Variants in PNLIPRP3 observed in about 807,000 individuals in gnomAD.
PNLIPRP3 encodes the protein pancreatic lipase related protein 3.
A neutral mutation model predicts 52.8 loss-of-function variants in PNLIPRP3; 58 were observed. The observed-to-expected ratio is 1.10, with a 90% CI of 0.89 to 1.37. The LOEUF is 1.37. PNLIPRP3 is among the 40% of genes most tolerant of loss of function. PNLIPRP3 has a pLI of 0.00. For synonymous variants in PNLIPRP3, 192 were observed against 185.0 expected, an observed-to-expected ratio of 1.04 and a Z score of -0.31; for missense variants, 593 against 561.6, an observed-to-expected ratio of 1.06 and a Z score of -0.57.
intron 2 of PNLIPRP3, among the ~76,000 whole-genome samples, chr10:116,438,871 T>G (rs1045925961): frequency 5.3e-5 from 8 of 152,146 alleles, no homozygotes; most frequent in Admixed American, 1.3e-4. Flanking sequence ...AGTTTTATAA[T>G]TATCAAGAAG....
At chr10:116,458,409 A>G (rs1177571297) in intron 5 of PNLIPRP3, among the ~76,000 whole-genome samples, 1 of 151,486 alleles carries the variant, frequency 6.6e-6, no homozygotes, top group Non-Finnish European at 1.5e-5. Flanking sequence ...CTAGAACAAC[A>G]AATTCAATGT....
chr10:116,429,121 T>A (rs1845675095), intron 1 of PNLIPRP3, among the ~76,000 whole-genome samples: 2 of 152,150 alleles, frequency 1.3e-5, no homozygotes, highest in Admixed American at 1.3e-4. Context: ...TGAAACATTT[T>A]AAGCACTAAC....
At chr10:116,440,623 T>C (rs541054227) in intron 2 of PNLIPRP3, among the ~76,000 whole-genome samples, 1 of 152,336 alleles carries the variant, frequency 6.6e-6, no homozygotes, top group African/African-American at 2.4e-5. Context: ...TAACATACTC[T>C]CTTCTCCAAG....
At position 116,461,192 on chromosome 10, in the gene PNLIPRP3, G is replaced by C. The variant is rs1846186984; in HGVS notation, c.710G>C (p.Gly237Ala). 1 of 1,614,120 alleles carries C rather than the reference G, an allele frequency of 6.2e-7. No individual in the cohort carries two copies. Among genetic ancestry groups the C allele is most frequent in the Non-Finnish European group, 8.5e-7 (1 of 1,180,004 alleles). ...ELGVGTIDAC[G>A]HLDFYPNGGK... Reference sequence around the variant, plus strand: ...GGTGTTGGAACCATTGATGCTTGTGGTCATCTTGACTTTTACCCAAATGGA... The same window carrying C: ...GGTGTTGGAACCATTGATGCTTGTGCTCATCTTGACTTTTACCCAAATGGA... Residue 237 changes from glycine to alanine, a missense_variant, in exon 7 of 12, where the codon GGT (glycine) becomes GCT (alanine). Gly to Ala is a moderately conservative substitution (Grantham distance 60). Coordinates refer to ENST00000369230, the MANE Select transcript of PNLIPRP3 (RefSeq NM_001011709.3).
intron 1 of PNLIPRP3, among the ~76,000 whole-genome samples, chr10:116,436,403 A>G (rs916491790): frequency 1.3e-5 from 2 of 152,236 alleles, no homozygotes; most frequent in African/African-American, 4.8e-5. Context: ...ATGAGAAAAC[A>G]TACGAAAAAT....
intron 8 of PNLIPRP3, among the ~76,000 whole-genome samples, chr10:116,468,874 T>C (rs1279238177): frequency 6.6e-6 from 1 of 152,248 alleles, no homozygotes; most frequent in African/African-American, 2.4e-5. Flanking sequence ...TTACCTTGTT[T>C]TAATTAACAT....
At chr10:116,438,073 C>T (rs1845803090) in intron 2 of PNLIPRP3, among the ~76,000 whole-genome samples, 1 of 152,028 alleles carries the variant, frequency 6.6e-6, no homozygotes, top group South Asian at 2.1e-4. Context: ...AAATGATAAC[C>T]CTCTTATCAG....
At chr10:116,435,166 CATTG>C (rs1041468113) in intron 1 of PNLIPRP3, among the ~76,000 whole-genome samples, 26 of 152,178 alleles carry the variant, frequency 1.7e-4, no homozygotes, top group African/African-American at 6.3e-4. Flanking sequence ...AAATTCTGTT[CATTG>C]ATTTTCAACT....
chr10:116,474,864 TC>T (rs1219687404), intron 10 of PNLIPRP3, among the ~76,000 whole-genome samples: 1 of 152,160 alleles, frequency 6.6e-6, no homozygotes, highest in Non-Finnish European at 1.5e-5. Context: ...GTAAATTTGT[TC>T]AACCATTGTG....
chr10:116,436,830 C>G lies in PNLIPRP3; in HGVS notation c.169C>G (p.Leu57Val). Reference protein sequence around the residue: ...WSPEKINTRFLLYTIHNPNAY... With the variant: ...WSPEKINTRFVLYTIHNPNAY... Reference sequence around the variant, plus strand: ...TCCAGAGAAGATAAACACTCGTTTCCTGCTCTACACTATACACAATCCCAA... The same window carrying G: ...TCCAGAGAAGATAAACACTCGTTTCGTGCTCTACACTATACACAATCCCAA... The change falls in exon 2 of 12, where the codon CTG becomes GTG. Residue 57 changes from leucine (L) to valine (V), a missense_variant. Coordinates refer to ENST00000369230, the MANE Select transcript of PNLIPRP3 (RefSeq NM_001011709.3). 6.2e-7 allele frequency: 1 copy of G among 1,612,552 alleles called. No individual in the cohort carries two copies. Among genetic ancestry groups the G allele is most frequent in the Non-Finnish European group, 8.5e-7 (1 of 1,179,152 alleles).
At chr10:116,439,918 T>C (rs1845832498) in intron 2 of PNLIPRP3, 1 of 863,630 alleles carries the variant, frequency 1.2e-6, no homozygotes, top group Non-Finnish European at 2.0e-6. Flanking sequence ...AGAGCGCTTC[T>C]TGGAAAATTC....
intron 4 of PNLIPRP3, among the ~76,000 whole-genome samples, chr10:116,449,968 T>G (rs1477294131): frequency 2.6e-5 from 4 of 152,082 alleles, no homozygotes; most frequent in Non-Finnish European, 5.9e-5. Context: ...CACAAATATG[T>G]GCAAATTAAA....
chr10:116,446,345 CAAAAAAAAAAAA>C (rs35901373), intron 4 of PNLIPRP3, among the ~76,000 whole-genome samples: 3 of 65,882 alleles, frequency 4.6e-5, no homozygotes, highest in African/African-American at 1.9e-4. Context: ...CGCTGCGTCT[CAAAAAAAAAAAA>C]AAAAAAAAAA....
intron 3 of PNLIPRP3, among the ~76,000 whole-genome samples, chr10:116,443,801 GCATATATATATATATATATATATATA>G (rs1435282725): frequency 4.5e-4 from 5 of 11,158 alleles, no homozygotes; most frequent in African/African-American, 9.7e-4. Flanking sequence ...ATGTGTGTGT[GCATATATATATATATATATATATATA>G]TATATATATA....
At chr10:116,451,435 G>T (rs1052878471) in intron 4 of PNLIPRP3, among the ~76,000 whole-genome samples, 9 of 152,126 alleles carry the variant, frequency 5.9e-5, no homozygotes, top group Admixed American at 1.3e-4. Flanking sequence ...CAAAGAGGAG[G>T]ATGTGCTTTG....
At chr10:116,466,198 T>G in intron 8 of PNLIPRP3, 30 bp downstream of exon 8, 1 of 1,502,948 alleles carries the variant, frequency 6.7e-7, no homozygotes, top group Non-Finnish European at 9.2e-7. Context: ...TGGAATTTAA[T>G]TATAAAGTAA....
intron 5 of PNLIPRP3, among the ~76,000 whole-genome samples, chr10:116,458,450 CTTTT>C (rs5788165): frequency 2.1e-5 from 3 of 143,286 alleles, no homozygotes; most frequent in Non-Finnish European, 3.0e-5. Flanking sequence ...GAAAGACTGT[CTTTT>C]TTTTTTTTTT....
At chr10:116,445,858 CTCTT>C (rs1845941184) in intron 4 of PNLIPRP3, among the ~76,000 whole-genome samples, 2 of 152,108 alleles carry the variant, frequency 1.3e-5, no homozygotes, top group South Asian at 4.1e-4. Context: ...TTCTCCACCT[CTCTT>C]TCTGTCATCT....
rs778399506 is a variant in PNLIPRP3 at position 116,427,990 on chromosome 10, T to A, written c.-23T>A. The A allele has an allele frequency of 6.3e-7, 1 of 1,589,710 alleles. No individual in the cohort carries two copies. Among genetic ancestry groups the A allele is most frequent in the Non-Finnish European group, 8.6e-7 (1 of 1,159,976 alleles). On this transcript the variant is annotated 5_prime_UTR_variant, in exon 1 of 12. An upstream start codon of the reference 5' UTR is lost. Coordinates refer to ENST00000369230, the MANE Select transcript of PNLIPRP3 (RefSeq NM_001011709.3). ...GTAAAGATCTTCAAGAAGATTTTTATGTGATTTAAAAAATCAGCTTAGATG... is the reference window on the plus strand; with the variant it reads ...GTAAAGATCTTCAAGAAGATTTTTAAGTGATTTAAAAAATCAGCTTAGATG...
Sources: allele counts gnomAD v4.1 joint callset (sites outside exome capture counted in the v4.1 genomes callset), GRCh38; gene constraint gnomAD v4.1.1; transcripts MANE v1.5; gene names NCBI Gene and HGNC (gene_info 2026-07-23, HGNC 2026-07-21).